The following MND1 variants were observed in gnomAD, a reference collection of about 807,000 sequenced individuals.
The protein encoded by MND1 is meiotic nuclear division protein 1 homolog.
MND1 carries 28 observed loss-of-function variants against 35.1 expected under a neutral mutation model. The observed-to-expected ratio is 0.80, with a 90% confidence interval of 0.59 to 1.09. MND1 has a LOEUF of 1.09. MND1 is among the 50% of genes least tolerant of loss of function. The probability of loss-of-function intolerance (pLI) is 0.00; values close to 1 mark genes in which losing one functional copy is unlikely to be tolerated. For missense variants in MND1, 213 were observed against 239.6 expected (o/e 0.89, Z 0.73); for synonymous variants, 69 against 70.5 (o/e 0.98, Z 0.11).
chr4:153,374,299 T>G lies in MND1; in HGVS notation c.276+15677T>G, dbSNP rs553471391. Among the ~76,000 whole-genome samples the G allele has an allele frequency of 3.9e-4, 60 of 152,300 alleles. 1 individual carries two copies. Among genetic ancestry groups the G allele is most frequent in the South Asian group, 8.3e-4 (4 of 4,828 alleles). ...GTGTGTAAAACATTTTACCAGATAC[T>G]GAAGGTAGTTCATAAAAGTAGAGGT... On this transcript the variant is annotated intron_variant, in intron 4 of 7. Transcript: ENST00000240488.
chr4:153,404,040 C>T (rs895706024), intron 6 of MND1, among the ~76,000 whole-genome samples: 1 of 127,702 alleles, frequency 7.8e-6, no homozygotes, highest in African/African-American at 2.6e-5. Context: ...AACTATGGCT[C>T]ACACACTGGA....
chr4:153,368,683 A>G (rs554961141), intron 4 of MND1, among the ~76,000 whole-genome samples: 1 of 152,316 alleles, frequency 6.6e-6, no homozygotes, highest in Non-Finnish European at 1.5e-5. Context: ...AGCCTGGAAA[A>G]AAGATCTTGG....
chr4:153,413,055 A>G lies in MND1; in HGVS notation c.512-1696A>G, dbSNP rs1456420168. Among the ~76,000 whole-genome samples the G allele has an allele frequency of 3.9e-5, 6 of 151,978 alleles. No homozygotes were observed. In the East Asian group the frequency reaches 1.2e-3, roughly 29 times the overall value. ...CTCTTGACCTCATGATCCTTTTCTT[A>G]TAAAGATACCAATCCTACTGGATTA... is the stretch of plus-strand genomic sequence containing the variant. On this transcript the variant is annotated intron_variant, in intron 7 of 7. Transcript: ENST00000240488.
At chr4:153,391,197 C>T (rs1729022694) in intron 4 of MND1, among the ~76,000 whole-genome samples, 1 of 151,248 alleles carries the variant, frequency 6.6e-6, no homozygotes, top group Non-Finnish European at 1.5e-5. Flanking sequence ...AGAGTATCAC[C>T]CTGTTGCCCA....
At chr4:153,363,356 C>T (rs565548551) in intron 4 of MND1, among the ~76,000 whole-genome samples, 48 of 152,004 alleles carry the variant, frequency 3.2e-4, no homozygotes, top group East Asian at 7.7e-4. Context: ...GGATTACAAG[C>T]GCCCGCCACC....
At chr4:153,367,137 G>T (rs1456457049) in intron 4 of MND1, among the ~76,000 whole-genome samples, 1 of 152,058 alleles carries the variant, frequency 6.6e-6, no homozygotes, top group African/African-American at 2.4e-5. Context: ...CAACAGCCTT[G>T]CTGAGATATA....
rs1294185698 is a variant in MND1 at position 153,374,246 on chromosome 4, A to C, written c.276+15624A>C. Among the ~76,000 whole-genome samples the C allele has an allele frequency of 2.6e-5, 4 of 152,188 alleles. No individual in the cohort carries two copies. In the East Asian group the frequency reaches 7.7e-4, roughly 29 times the overall value. On this transcript the variant is annotated intron_variant, in intron 4 of 7. Transcript: ENST00000240488. ...ATAAATACCGTAAGCTTTTTCATTT[A>C]GTTAGAACAAATATTTGAGGGTCTA...
Position 153,414,899 on chromosome 4 carries a change from G to T in MND1, c.*42G>T. 1 of 895,194 alleles carries T rather than the reference G, an allele frequency of 1.1e-6. No individual in the cohort carries two copies. The highest frequency in any genetic ancestry group is 2.7e-5 in the East Asian group (1 of 37,020). The allele number at this position is 895,194 out of a possible 1,614,324, so 55.5% of individuals were successfully genotyped here. On this transcript the variant is annotated 3_prime_UTR_variant, in exon 8 of 8. Transcript: ENST00000240488. ...GAAGGATGTACAAGCTTGTGAATAT[G>T]TAAATTTTAAACTATTATCTAACTA...
chr4:153,349,953 A>T, intron 1 of MND1, 111 bp from the exon 2 acceptor site: 1 of 696,844 alleles, frequency 1.4e-6, no homozygotes, highest in Non-Finnish European at 2.5e-6. Flanking sequence ...TGAGAGTATC[A>T]AACCTGTTGG....
intron 6 of MND1, among the ~76,000 whole-genome samples, chr4:153,399,333 A>C (rs944703667): frequency 4.6e-5 from 7 of 152,184 alleles, no homozygotes; most frequent in Non-Finnish European, 8.8e-5. Flanking sequence ...CCTCACTGAC[A>C]TCACCTCCAA....
At chr4:153,361,699 G>C (rs747493860) in intron 4 of MND1, 1 of 366,748 alleles carries the variant, frequency 2.7e-6, no homozygotes, top group Non-Finnish European at 5.3e-6. Flanking sequence ...ATAGCCGGGC[G>C]TGGTGGTGGG....
At chr4:153,379,849 CAAAAAAAAAAAAA>C (rs34034237) in intron 4 of MND1, among the ~76,000 whole-genome samples, 2 of 62,488 alleles carry the variant, frequency 3.2e-5, no homozygotes, top group Admixed American at 2.2e-4. Context: ...GACTCCATCT[CAAAAAAAAAAAAA>C]AAAAAAAAAA....
Position 153,350,249 on chromosome 4 carries a change from G to A in MND1, c.69+120G>A, listed in dbSNP as rs981069142. 1.8e-5 allele frequency: 12 copies of A among 670,474 alleles called. No individual in the cohort carries two copies. In the African/African-American group the frequency reaches 1.8e-4, roughly 10 times the overall value. 41.5% of individuals were successfully genotyped at this position (670,474 alleles called of 1,614,324 possible). On this transcript the variant is annotated intron_variant, in intron 2 of 7. Transcript: ENST00000240488. ...ATACTGATCAATTTCTTGAAGAATG[G>A]GTAAGATTCTGCAAATATTTGTGGT...
chr4:153,371,969 C>G lies in MND1; in HGVS notation c.276+13347C>G, dbSNP rs964805822. ...GTAGGGTTATTAATTGGCCTAATTTCAATATTGTTTTGTCTCAAGGAATAG... is the reference window on the plus strand; with the variant it reads ...GTAGGGTTATTAATTGGCCTAATTTGAATATTGTTTTGTCTCAAGGAATAG... On this transcript the variant is annotated intron_variant, in intron 4 of 7. Transcript: ENST00000240488. 2.6e-5 allele frequency among the ~76,000 whole-genome samples: 4 copies of G among 151,908 alleles called. No individual in the cohort carries two copies. In the East Asian group the frequency reaches 7.7e-4, roughly 29 times the overall value.
At chr4:153,393,893 T>G (rs966138468) in intron 4 of MND1, among the ~76,000 whole-genome samples, 28 of 151,132 alleles carry the variant, frequency 1.9e-4, no homozygotes, top group African/African-American at 6.3e-4. Flanking sequence ...TTGGAGAAAT[T>G]AGTTCCCAGT....
intron 4 of MND1, among the ~76,000 whole-genome samples, chr4:153,389,735 A>C (rs1488203032): frequency 2.0e-5 from 3 of 152,242 alleles, no homozygotes; most frequent in Non-Finnish European, 1.5e-5. Flanking sequence ...TTTTAAAGAC[A>C]AACATTAAGA....
rs773454564 is a variant in MND1 at position 153,344,714 on chromosome 4, A to G, written c.-24A>G. On this transcript the variant is annotated 5_prime_UTR_variant, in exon 1 of 8. Transcript: ENST00000240488. ...CCTCTCCCCAAGCGCGGGCCCGGCC[A>G]GCGGAAGCCCCTGCGCCCGCGCCAT... 3.8e-6 allele frequency: 6 copies of G among 1,587,100 alleles called. No homozygotes were observed. The East Asian group carries it at 1.2e-4, about 31-fold the overall frequency.
At chr4:153,382,741 T>C (rs1255364646) in intron 4 of MND1, among the ~76,000 whole-genome samples, 4 of 152,362 alleles carry the variant, frequency 2.6e-5, no homozygotes, top group African/African-American at 9.6e-5. Flanking sequence ...TTTAGATCGA[T>C]GCCTTCTAAT....
Position 153,389,082 on chromosome 4 carries a change from A to G in MND1, c.277-5180A>G, listed in dbSNP as rs894843308. 8.9e-4 allele frequency among the ~76,000 whole-genome samples: 135 copies of G among 152,366 alleles called. 2 individuals carry two copies. The highest frequency in any genetic ancestry group is 2.9e-3 in the African/African-American group (119 of 41,594). On this transcript the variant is annotated intron_variant, in intron 4 of 7. Coordinates refer to ENST00000240488, the MANE Select transcript of MND1 (RefSeq NM_032117.4). ...GGTGAGCACAGCAATATAGAAAACC[A>G]ATTAGGAAAGGGTAGGTATATGTAA... is the stretch of plus-strand genomic sequence containing the variant.
Sources: allele counts gnomAD v4.1 joint callset (sites outside exome capture counted in the v4.1 genomes callset), GRCh38; gene constraint gnomAD v4.1.1; transcripts MANE v1.5; gene names NCBI Gene and HGNC (gene_info 2026-07-23, HGNC 2026-07-21).